The following SGCZ variants were observed in gnomAD, a reference collection of about 807,000 sequenced individuals.
The protein encoded by SGCZ is sarcoglycan zeta.
SGCZ carries 40 observed loss-of-function variants against 41.3 expected under a neutral mutation model. The observed-to-expected ratio is 0.97, with a 90% confidence interval of 0.75 to 1.26. The LOEUF (loss-of-function observed/expected upper bound fraction) is 1.26, where lower values mean the gene tolerates loss of function less well. SGCZ is among the 50% of genes most tolerant of loss of function. The pLI, the probability that SGCZ is intolerant of heterozygous loss-of-function variation, is 0.00. For missense variants in SGCZ, 552 were observed against 369.8 expected, an observed-to-expected ratio of 1.49 and a Z score of -4.04; for synonymous variants, 206 against 137.5, an observed-to-expected ratio of 1.50 and a Z score of -3.49.
In SGCZ at chr8:14,176,763, G is replaced by A. The variant is rs911670145; in HGVS notation, c.425-12061C>T. 6.6e-5 allele frequency among the ~76,000 whole-genome samples: 10 copies of A among 152,160 alleles called. No homozygotes were observed. In the East Asian group the frequency reaches 1.9e-3, roughly 29 times the overall value. ...GCAGGTGTCAGACCCCAAACATTAT[G>A]GAGAGTATCTGAGATGCTATCAAGC... On this transcript the variant is annotated intron_variant, in intron 4 of 7. Transcript: ENST00000382080.
rs988973135 is a variant in SGCZ at position 15,214,647 on chromosome 8, C to T, written c.39+22938G>A. 2.6e-5 allele frequency among the ~76,000 whole-genome samples: 4 copies of T among 152,120 alleles called. No homozygotes were observed. In the South Asian group the frequency reaches 6.2e-4, roughly 24 times the overall value. On this transcript the variant is annotated intron_variant, in intron 1 of 7. Transcript: ENST00000382080. ...TGCAATCTCAGGCAGTTCCCTGAAT[C>T]GTGGGGAGCTCACGTTACAATTTAT... is the stretch of plus-strand genomic sequence containing the variant.
chr8:14,244,349 T>C (rs1212983189), intron 3 of SGCZ, among the ~76,000 whole-genome samples: 1 of 152,188 alleles, frequency 6.6e-6, no homozygotes, highest in Non-Finnish European at 1.5e-5. Flanking sequence ...ATCAAATTAT[T>C]ATTTAATGGT....
At chr8:15,007,063 A>G (rs1802630335) in intron 1 of SGCZ, among the ~76,000 whole-genome samples, 1 of 152,224 alleles carries the variant, frequency 6.6e-6, no homozygotes, top group Non-Finnish European at 1.5e-5. Context: ...AACTGTTGCA[A>G]CTTTAGCACA....
intron 1 of SGCZ, among the ~76,000 whole-genome samples, chr8:14,909,898 G>A (rs916860443): frequency 6.6e-6 from 1 of 151,990 alleles, no homozygotes; most frequent in Non-Finnish European, 1.5e-5. Context: ...CTCATATTTT[G>A]CACAGCATAT....
chr8:14,126,684 C>T (rs772461246), intron 5 of SGCZ, among the ~76,000 whole-genome samples: 12 of 152,246 alleles, frequency 7.9e-5, no homozygotes, highest in Non-Finnish European at 1.6e-4. Context: ...GATACACACA[C>T]GTATGTTTAC....
At chr8:14,256,582 G>A (rs1356417370) in intron 3 of SGCZ, among the ~76,000 whole-genome samples, 1 of 151,974 alleles carries the variant, frequency 6.6e-6, no homozygotes, top group East Asian at 1.9e-4. Flanking sequence ...CTCCCTGAAG[G>A]TTTAAACCCT....
At chr8:15,041,359 A>G (rs1371902241) in intron 1 of SGCZ, among the ~76,000 whole-genome samples, 2 of 152,052 alleles carry the variant, frequency 1.3e-5, no homozygotes, top group African/African-American at 2.4e-5. Context: ...TAAAATTGTC[A>G]TAATATAGAA....
intron 1 of SGCZ, among the ~76,000 whole-genome samples, chr8:15,223,170 G>A (rs550704816): frequency 6.6e-6 from 1 of 152,166 alleles, no homozygotes; most frequent in South Asian, 2.1e-4. Context: ...AAATAAACTT[G>A]GTTTACTGTC....
At chr8:14,244,530 G>T (rs574096183) in intron 3 of SGCZ, among the ~76,000 whole-genome samples, 2 of 152,182 alleles carry the variant, frequency 1.3e-5, no homozygotes, top group African/African-American at 4.8e-5. Flanking sequence ...GTAGCATGAT[G>T]CCTCCAGCTT....
At chr8:14,269,358 G>C (rs1164989186) in intron 3 of SGCZ, among the ~76,000 whole-genome samples, 2 of 152,048 alleles carry the variant, frequency 1.3e-5, no homozygotes, top group Non-Finnish European at 2.9e-5. Flanking sequence ...TTCTCGTGCT[G>C]TAATCACTGT....
At chr8:14,192,093 G>T (rs1026587803) in intron 4 of SGCZ, among the ~76,000 whole-genome samples, 1 of 151,846 alleles carries the variant, frequency 6.6e-6, no homozygotes, top group African/African-American at 2.4e-5. Context: ...TAAAATCAAA[G>T]CACATATATA....
At chr8:14,825,353 A>G (rs1001478133) in intron 1 of SGCZ, among the ~76,000 whole-genome samples, 47 of 152,112 alleles carry the variant, frequency 3.1e-4, no homozygotes, top group African/African-American at 1.1e-3. Context: ...AATCTTTACA[A>G]TTTTTTAATA....
intron 3 of SGCZ, among the ~76,000 whole-genome samples, chr8:14,312,863 A>T (rs1225323877): frequency 6.6e-6 from 1 of 152,194 alleles, no homozygotes; most frequent in Non-Finnish European, 1.5e-5. Context: ...ACACAGCATG[A>T]ATCTGAAGAA....
rs568969844 is a variant in SGCZ, at chr8:14,374,949, T to C, written c.235-50745A>G. Among the ~76,000 whole-genome samples, 10 of 152,264 alleles carry C rather than the reference T, an allele frequency of 6.6e-5. No individual in the cohort carries two copies. In the South Asian group the frequency reaches 2.1e-3, roughly 32 times the overall value. On this transcript the variant is annotated intron_variant, in intron 2 of 7. Transcript: ENST00000382080. Reference sequence around the variant, plus strand: ...AGGAGATGGAAATCAATAAAGGGGATGATTGCAGTAGAGATTATGTAAGGT... The same window carrying C: ...AGGAGATGGAAATCAATAAAGGGGACGATTGCAGTAGAGATTATGTAAGGT...
At chr8:14,168,235 T>G (rs1804266808) in intron 4 of SGCZ, among the ~76,000 whole-genome samples, 1 of 152,272 alleles carries the variant, frequency 6.6e-6, no homozygotes, top group South Asian at 2.1e-4. Flanking sequence ...ATTCAGAAAT[T>G]CCTGGTTTAG....
chr8:15,001,791 T>C (rs571917227), intron 1 of SGCZ, among the ~76,000 whole-genome samples: 190 of 151,554 alleles, frequency 1.3e-3, no homozygotes, highest in African/African-American at 4.5e-3. Flanking sequence ...TTAATATTTA[T>C]TAAGCACTTT....
chr8:14,261,208 CT>C (rs772095289), intron 3 of SGCZ, among the ~76,000 whole-genome samples: 28 of 152,286 alleles, frequency 1.8e-4, no homozygotes, highest in Non-Finnish European at 2.6e-4. Flanking sequence ...TCCCTTGCCT[CT>C]TTTGCTAATA....
intron 1 of SGCZ, among the ~76,000 whole-genome samples, chr8:15,099,648 G>T (rs1806525698): frequency 6.6e-6 from 1 of 151,732 alleles, no homozygotes; most frequent in Non-Finnish European, 1.5e-5. Flanking sequence ...ACTAAAACCT[G>T]GAAAGACTTT....
chr8:14,504,793 AC>A (rs1802257442), intron 2 of SGCZ, among the ~76,000 whole-genome samples: 2 of 151,972 alleles, frequency 1.3e-5, no homozygotes, highest in Non-Finnish European at 2.9e-5. Context: ...CTCAGCTGAA[AC>A]CTTTTTGTGA....
Sources: gnomAD v4.1 joint callset for allele counts (sites outside exome capture counted in the v4.1 genomes callset) on GRCh38, gnomAD v4.1.1 for gene constraint, MANE v1.5 for transcripts, NCBI Gene and HGNC (gene_info 2026-07-23, HGNC 2026-07-21) for gene names.